The following FRMPD1 variants were observed in gnomAD, a reference collection of about 807,000 sequenced individuals.
FRMPD1 encodes the protein FERM and PDZ domain containing 1.
In FRMPD1, 76 loss-of-function variants were observed where a neutral mutation model predicts 117.8. That is an observed-to-expected ratio of 0.65 (90% CI 0.54 to 0.78). The LOEUF is 0.78. FRMPD1 is among the 30% of genes least tolerant of loss of function. FRMPD1 has a pLI of 0.00. For missense variants in FRMPD1, 1,786 were observed against 1,964.5 expected, an observed-to-expected ratio of 0.91 and a Z score of 1.72; for synonymous variants, 783 against 770.4, an observed-to-expected ratio of 1.02 and a Z score of -0.27.
rs758417396 is a variant in FRMPD1, at chr9:37,740,035, G to A, written c.1550-43G>A. On this transcript the variant is annotated intron_variant, in intron 14 of 15. Coordinates refer to ENST00000377765, the MANE Select transcript of FRMPD1 (RefSeq NM_014907.3). This position sits in a 1 kb window ranked among gnomAD's most constrained non-coding sequence, Gnocchi z 4.2. Reference sequence around the variant, plus strand: ...AGGGGGCTAGAAGGACACATAGGTAGGAGAATTCTGTTGTGTAACTGTTGC... The same window carrying A: ...AGGGGGCTAGAAGGACACATAGGTAAGAGAATTCTGTTGTGTAACTGTTGC... The A allele has an allele frequency of 1.4e-6, 2 of 1,385,792 alleles. No individual in the cohort carries two copies. Among genetic ancestry groups the A allele is most frequent in the African/African-American group, 2.9e-5 (2 of 69,612 alleles). The allele number at this position is 1,385,792 out of a possible 1,614,324, so 85.8% of individuals were successfully genotyped here.
At chr9:37,631,261 C>T in the FRMPD1 span, among the ~76,000 whole-genome samples, 1 of 152,104 alleles carries the variant, frequency 6.6e-6, no homozygotes. Flanking sequence ...AGCAAAAAAG[C>T]ACTTAGAGTA....
At chr9:37,661,861 C>A (rs7047472) in intron 1 of FRMPD1, 35,275 of 152,350 alleles carry the variant, frequency 0.23, 4,221 homozygotes, top group Middle Eastern at 0.28. Flanking sequence ...ACTCGTATAC[C>A]CTTGACCAAA....
chr9:37,689,798 C>T (rs1277521402), intron 1 of FRMPD1, among the ~76,000 whole-genome samples: 1 of 152,202 alleles, frequency 6.6e-6, no homozygotes, highest in Non-Finnish European at 1.5e-5. Flanking sequence ...GAATTCTAGA[C>T]TGGGAATGCT....
the FRMPD1 span, among the ~76,000 whole-genome samples, chr9:37,642,835 T>G: frequency 6.6e-6 from 1 of 152,356 alleles, no homozygotes; most frequent in African/African-American, 2.4e-5. Context: ...TCTGCTATGT[T>G]GTTATTTCTT....
intron 1 of FRMPD1, among the ~76,000 whole-genome samples, chr9:37,678,279 T>TTTA (rs1821601277): frequency 7.3e-6 from 1 of 136,136 alleles, no homozygotes; most frequent in Non-Finnish European, 1.6e-5. Context: ...TTTTTTTTTT[T>TTTA]AGATGGAGTC....
At chr9:37,690,742 G>A (rs1822103679) in intron 1 of FRMPD1, among the ~76,000 whole-genome samples, 1 of 152,178 alleles carries the variant, frequency 6.6e-6, no homozygotes, top group Non-Finnish European at 1.5e-5. Flanking sequence ...TAATATCACA[G>A]ACTGGGTAAT....
At chr9:37,703,825 C>T (rs1295236282) in intron 2 of FRMPD1, among the ~76,000 whole-genome samples, 1 of 152,172 alleles carries the variant, frequency 6.6e-6, no homozygotes, top group East Asian at 1.9e-4. Context: ...TTCACTTAGC[C>T]AGATTCATCC....
chr9:37,732,372 G>A lies in FRMPD1; in HGVS notation c.927G>A (p.Ala309=), dbSNP rs766963520. The change falls in exon 10 of 16, where the codon GCG becomes GCA. Residue 309 remains alanine, a synonymous_variant. Transcript: ENST00000377765. ...EMKCSSALRL[A]ALHIQERIYA... ...AATGTAGCTCTGCACTCCGACTCGC[G>A]GCTCTGCACATCCAGGAACGGATCT... 7.4e-6 allele frequency: 12 copies of A among 1,613,694 alleles called. No homozygotes were observed. The highest frequency in any genetic ancestry group is 2.2e-5 in the East Asian group (1 of 44,896).
the FRMPD1 span, among the ~76,000 whole-genome samples, chr9:37,613,812 C>G: frequency 1.3e-5 from 2 of 152,204 alleles, no homozygotes; most frequent in African/African-American, 4.8e-5. Context: ...GGCTTCATGG[C>G]ACTTATTACA....
chr9:37,633,591 G>A, the FRMPD1 span, among the ~76,000 whole-genome samples: 13 of 152,346 alleles, frequency 8.5e-5, no homozygotes, highest in African/African-American at 2.9e-4. Flanking sequence ...TGGTGCAGTG[G>A]CTCACGCCTA....
the FRMPD1 span, among the ~76,000 whole-genome samples, chr9:37,603,670 ATTTTGTTTTG>A: frequency 7.0e-6 from 1 of 143,104 alleles, no homozygotes; most frequent in South Asian, 2.1e-4. Context: ...GTTTTGTTTT[ATTTTGTTTTG>A]TTTTGTTTTG....
intron 10 of FRMPD1, 118 bp downstream of exon 10, chr9:37,732,558 C>A: frequency 6.0e-6 from 6 of 993,422 alleles, no homozygotes; most frequent in Non-Finnish European, 7.2e-6. Context: ...TGTTGTCTTT[C>A]CATCCATTTC....
At chr9:37,646,145 T>C (rs1442246087), upstream of FRMPD1, among the ~76,000 whole-genome samples, 1 of 152,212 alleles carries the variant, frequency 6.6e-6, no homozygotes, top group Non-Finnish European at 1.5e-5. Flanking sequence ...TCCCTGAGTC[T>C]TGGCTCACTG....
At chr9:37,706,936 GTCCATCCATCCATCCATCCA>G (rs66686416) in intron 2 of FRMPD1, among the ~76,000 whole-genome samples, 6 of 150,048 alleles carry the variant, frequency 4.0e-5, no homozygotes, top group South Asian at 2.1e-4. Context: ...CTGTCAGTCC[GTCCATCCATCCATCCATCCA>G]TCCATCCATC....
chr9:37,734,923 T>C (rs1404087634), intron 12 of FRMPD1, among the ~76,000 whole-genome samples: 3 of 152,224 alleles, frequency 2.0e-5, no homozygotes. Context: ...AGTCTCCCTT[T>C]ACCTTTCTTG....
At chr9:37,647,389 G>A (rs1163380795), upstream of FRMPD1, among the ~76,000 whole-genome samples, 1 of 151,676 alleles carries the variant, frequency 6.6e-6, no homozygotes, top group African/African-American at 2.4e-5. Flanking sequence ...GCGGGCACCT[G>A]TAGTCCCAGC....
chr9:37,711,537 C>A, intron 5 of FRMPD1, 142 bp downstream of exon 5: 1 of 713,548 alleles, frequency 1.4e-6, no homozygotes, highest in Admixed American at 2.0e-5. Flanking sequence ...GGTGGCCAGT[C>A]AGTCCATGTT....
At chr9:37,664,754 A>G (rs1376683877) in intron 1 of FRMPD1, among the ~76,000 whole-genome samples, 1 of 152,196 alleles carries the variant, frequency 6.6e-6, no homozygotes, top group African/African-American at 2.4e-5. Flanking sequence ...TAAAATCAGC[A>G]ATAAAAGCAA....
At chr9:37,660,699 T>C (rs1325916) in intron 1 of FRMPD1, among the ~76,000 whole-genome samples, 95,655 of 152,094 alleles carry the variant, frequency 0.63, 31,772 homozygotes, top group African/African-American at 0.85. Flanking sequence ...TTCCAGACTT[T>C]GGGAGCCTTC....
Sources: gnomAD v4.1 joint callset for allele counts (sites outside exome capture counted in the v4.1 genomes callset) on GRCh38, gnomAD v4.1.1 for gene constraint, Gnocchi (gnomAD v3.1) non-coding constraint, MANE v1.5 for transcripts, NCBI Gene and HGNC (gene_info 2026-07-23, HGNC 2026-07-21) for gene names.